HS3ST3A1: variants seen among roughly 807,000 people sequenced by gnomAD.
The protein encoded by HS3ST3A1 is heparan sulfate-glucosamine 3-sulfotransferase 3A1, also known as heparan sulfate glucosamine 3-O-sulfotransferase 3A1.
In HS3ST3A1, 19 loss-of-function variants were observed where a neutral mutation model predicts 25.7. The observed-to-expected ratio is 0.74, with a 90% CI of 0.52 to 1.08. The LOEUF (loss-of-function observed/expected upper bound fraction) is 1.08. HS3ST3A1 is among the 50% of genes least tolerant of loss of function. The probability of loss-of-function intolerance (pLI) is 0.00; values close to 1 mark genes in which losing one functional copy is unlikely to be tolerated. For missense variants in HS3ST3A1, 459 were observed against 594.3 expected (o/e 0.77, Z 2.37); for synonymous variants, 226 against 278.6 (o/e 0.81, Z 1.88).
chr17:13,546,133 G>A (rs1907083410), intron 1 of HS3ST3A1, among the ~76,000 whole-genome samples: 1 of 152,046 alleles, frequency 6.6e-6, no homozygotes, highest in South Asian at 2.1e-4. Flanking sequence ...CTACCACGTG[G>A]ACCAACTCCT....
chr17:13,516,256 G>C (rs1906050392), intron 1 of HS3ST3A1, among the ~76,000 whole-genome samples: 3 of 152,152 alleles, frequency 2.0e-5, no homozygotes, highest in Non-Finnish European at 4.4e-5. Flanking sequence ...GTTGCGGTGA[G>C]CAGAGATTGC....
chr17:13,544,772 A>AG (rs1907036906), intron 1 of HS3ST3A1, among the ~76,000 whole-genome samples: 2 of 36,884 alleles, frequency 5.4e-5, no homozygotes, highest in South Asian at 8.0e-4. Context: ...TGAACCCTCC[A>AG]GGAAAAAAAA....
At position 13,601,026 on chromosome 17, in the gene HS3ST3A1, G is replaced by C. The variant is rs757051489; in HGVS notation, c.104C>G (p.Ser35Cys). Residue 35 changes from serine to cysteine, a missense_variant, in exon 1 of 2, where the codon TCC becomes TGC. Ser to Cys is a moderately radical substitution (Grantham distance 112). Around this residue, in one of 3 missense-constraint regions of HS3ST3A1, gnomAD observed 346 missense variants for 303.9 expected, o/e 1.14. Transcript: ENST00000284110. Reference sequence around the variant, plus strand: ...GGCCAGGCAGTAGAAGACGTAAAGGGACGTGAGCAGGGAGCAGAGCATCAG... The same window carrying C: ...GGCCAGGCAGTAGAAGACGTAAAGGCACGTGAGCAGGGAGCAGAGCATCAG... Reference protein sequence around the residue: ...FLLMLCSLLTSLYVFYCLAER... With the variant: ...FLLMLCSLLTCLYVFYCLAER... 6.3e-7 allele frequency: 1 copy of C among 1,592,798 alleles called. No homozygotes were observed. Among genetic ancestry groups the C allele is most frequent in the Non-Finnish European group, 8.5e-7 (1 of 1,169,832 alleles).
At chr17:13,559,173 A>G (rs928027027) in intron 1 of HS3ST3A1, among the ~76,000 whole-genome samples, 1 of 152,254 alleles carries the variant, frequency 6.6e-6, no homozygotes, top group African/African-American at 2.4e-5. Flanking sequence ...GGCACATATG[A>G]GTATTCAACT....
chr17:13,566,568 T>A (rs1321458266), intron 1 of HS3ST3A1, among the ~76,000 whole-genome samples: 2 of 152,220 alleles, frequency 1.3e-5, no homozygotes, highest in Non-Finnish European at 2.9e-5. Flanking sequence ...GGCTGAAAGC[T>A]AGGCCTCCTG....
At chr17:13,526,091 T>C (rs1906405847) in intron 1 of HS3ST3A1, among the ~76,000 whole-genome samples, 1 of 151,928 alleles carries the variant, frequency 6.6e-6, no homozygotes, top group Non-Finnish European at 1.5e-5. Context: ...TGTTCAGTCC[T>C]GGCCCTTGGC....
At chr17:13,530,320 G>A (rs1301012720) in intron 1 of HS3ST3A1, among the ~76,000 whole-genome samples, 1 of 152,124 alleles carries the variant, frequency 6.6e-6, no homozygotes, top group Non-Finnish European at 1.5e-5. Flanking sequence ...AAGAAGTTAT[G>A]GGTCAAATGA....
At chr17:13,574,777 AAT>A (rs1907909649) in intron 1 of HS3ST3A1, among the ~76,000 whole-genome samples, 3 of 151,780 alleles carry the variant, frequency 2.0e-5, no homozygotes, top group African/African-American at 7.3e-5. Context: ...ACACAAAAAA[AAT>A]GAAGGGCATG....
intron 1 of HS3ST3A1, among the ~76,000 whole-genome samples, chr17:13,566,072 T>G (rs1907667900): frequency 6.6e-6 from 1 of 152,266 alleles, no homozygotes; most frequent in South Asian, 2.1e-4. Flanking sequence ...TCTGGTTTAC[T>G]GTGCATTGCA....
intron 1 of HS3ST3A1, among the ~76,000 whole-genome samples, chr17:13,588,484 C>T (rs1408463170): frequency 6.6e-6 from 1 of 152,154 alleles, no homozygotes; most frequent in African/African-American, 2.4e-5. Context: ...AACATGACTT[C>T]CATGTACACT....
intron 1 of HS3ST3A1, among the ~76,000 whole-genome samples, chr17:13,533,896 T>A (rs1449197821): frequency 6.6e-6 from 1 of 152,190 alleles, no homozygotes; most frequent in East Asian, 1.9e-4. Context: ...TCTGAGAGCA[T>A]TTTCACAGAT....
intron 1 of HS3ST3A1, among the ~76,000 whole-genome samples, chr17:13,567,594 T>C (rs1907706148): frequency 6.6e-6 from 1 of 152,316 alleles, no homozygotes; most frequent in East Asian, 1.9e-4. Flanking sequence ...GAGGAGGTTA[T>C]AAAATATCAA....
chr17:13,564,409 T>C (rs533423732), intron 1 of HS3ST3A1, among the ~76,000 whole-genome samples: 121 of 152,314 alleles, frequency 7.9e-4, no homozygotes, highest in African/African-American at 2.9e-3. Context: ...CACAAAGGAT[T>C]GGTTCCAGTA....
At chr17:13,557,291 T>C (rs113691970) in intron 1 of HS3ST3A1, among the ~76,000 whole-genome samples, 1 of 152,162 alleles carries the variant, frequency 6.6e-6, no homozygotes, top group African/African-American at 2.4e-5. Context: ...AATCACACAC[T>C]CTACTTTTTG....
intron 1 of HS3ST3A1, among the ~76,000 whole-genome samples, chr17:13,532,401 G>C (rs548361629): frequency 3.3e-4 from 50 of 152,238 alleles, no homozygotes; most frequent in African/African-American, 1.2e-3. Context: ...TAGGAAACAG[G>C]GTCCTAAGGC....
rs1598432010 is a variant in HS3ST3A1 at position 13,579,788 on chromosome 17, T to C, written c.599+20743A>G. Among the ~76,000 whole-genome samples, 3 of 142,470 alleles carry C rather than the reference T, an allele frequency of 2.1e-5. No homozygotes were observed. The East Asian group carries it at 6.2e-4, about 29-fold the overall frequency. The allele number at this position is 142,470 out of a possible 152,430, so 93.5% of individuals were successfully genotyped here. ...CTCCTCAGATCACCTGAGGTCAACA[T>C]GGGGAAACCCTGTCTCTACTAAAAC... On this transcript the variant is annotated intron_variant, in intron 1 of 1. Coordinates refer to ENST00000284110, the MANE Select transcript of HS3ST3A1 (RefSeq NM_006042.3).
Position 13,539,790 on chromosome 17 carries a change from C to T in HS3ST3A1, c.600-42972G>A, listed in dbSNP as rs1906877041. 2.0e-5 allele frequency among the ~76,000 whole-genome samples: 3 copies of T among 152,188 alleles called. No individual in the cohort carries two copies. The South Asian group carries it at 6.2e-4, about 32-fold the overall frequency. The stretch of plus-strand genomic sequence containing the variant: ...ATTTCCATAGACAATAGTATTAACA[C>T]ATGATTTGTCGTTGAGCTTCTAAGA... On this transcript the variant is annotated intron_variant, in intron 1 of 1. Transcript: ENST00000284110.
chr17:13,511,338 T>C (rs548078741), intron 1 of HS3ST3A1, among the ~76,000 whole-genome samples: 1 of 152,032 alleles, frequency 6.6e-6, no homozygotes, highest in African/African-American at 2.4e-5. Context: ...CATACAGGGG[T>C]TGTGTTGCAG....
intron 1 of HS3ST3A1, among the ~76,000 whole-genome samples, chr17:13,543,104 T>C (rs935617206): frequency 6.6e-6 from 1 of 152,176 alleles, no homozygotes; most frequent in Non-Finnish European, 1.5e-5. Flanking sequence ...TAATATCCTT[T>C]GTAATAAGTG....
Sources: gnomAD v4.1 joint callset for allele counts (sites outside exome capture counted in the v4.1 genomes callset) on GRCh38, gnomAD v4.1.1 for gene constraint, gnomAD v4.1.1 regional missense constraint, MANE v1.5 for transcripts, NCBI Gene and HGNC (gene_info 2026-07-23, HGNC 2026-07-21) for gene names.